Variants in SLC36A2 observed in about 807,000 individuals in gnomAD.
The protein encoded by SLC36A2 is solute carrier family 36 member 2.
A neutral mutation model predicts 42.7 loss-of-function variants in SLC36A2; 39 were observed. That is an observed-to-expected ratio of 0.91 (90% confidence interval 0.71 to 1.19). The LOEUF (loss-of-function observed/expected upper bound fraction) is 1.19. Among genes scored for constraint, SLC36A2 ranks in the 50% most tolerant of loss-of-function variants. SLC36A2 has a pLI of 0.00. For missense variants in SLC36A2, 590 were observed against 613.7 expected, an observed-to-expected ratio of 0.96 and a Z score of 0.41; for synonymous variants, 237 against 240.8, an observed-to-expected ratio of 0.98 and a Z score of 0.15.
intron 9 of SLC36A2, among the ~76,000 whole-genome samples, chr5:151,317,409 G>A (rs1286037712): frequency 6.7e-6 from 1 of 149,352 alleles, no homozygotes; most frequent in Admixed American, 6.7e-5. Flanking sequence ...CCAAGATCAC[G>A]CCACTGCACT....
rs1011214457 is a variant in SLC36A2 at position 151,316,695 on chromosome 5, G to A, written c.*122C>T. ...GCCGAAGTTGTGGTGAGCTGAGATC[G>A]CATCATTGTACTCCAGTCTGGGCAA... On this transcript the variant is annotated 3_prime_UTR_variant, in exon 10 of 10. Coordinates refer to ENST00000335244, the MANE Select transcript of SLC36A2 (RefSeq NM_181776.3). 21 of 1,208,364 alleles carry A rather than the reference G, an allele frequency of 1.7e-5. No individual in the cohort carries two copies. The highest frequency in any genetic ancestry group is 2.2e-5 in the Non-Finnish European group (20 of 892,682). 74.9% of individuals were successfully genotyped at this position (1,208,364 alleles called of 1,614,324 possible).
intron 9 of SLC36A2, 24 bp from the exon 10 acceptor site, chr5:151,317,112 G>C (rs547174171): frequency 6.2e-7 from 1 of 1,612,548 alleles, no homozygotes; most frequent in African/African-American, 1.3e-5. Flanking sequence ...ATAGTGGAGA[G>C]ATGGAGCATT....
Position 151,315,470 on chromosome 5 carries a change from A to AAAT in SLC36A2, c.*1346_*1347insATT, listed in dbSNP as rs10525250. 0.66 allele frequency: 100,594 copies of AAAT among 151,670 alleles called. 34,307 individuals carry two copies. Among genetic ancestry groups the AAAT allele is most frequent in the East Asian group, 0.98 (5,073 of 5,160 alleles). The allele number at this position is 151,670 out of a possible 1,614,324, so 9.4% of individuals were successfully genotyped here. ...ATGGTAAAACCCCATCTCTACGAAA[A>AAAT]ACAAAAATTAGCCAGGCATAGTGGC... On this transcript the variant is annotated 3_prime_UTR_variant, in exon 10 of 10. Coordinates refer to ENST00000335244, the MANE Select transcript of SLC36A2 (RefSeq NM_181776.3).
At chr5:151,340,167 G>GGAAGAA (rs746180560) in intron 4 of SLC36A2, among the ~76,000 whole-genome samples, 1 of 112,394 alleles carries the variant, frequency 8.9e-6, no homozygotes, top group Non-Finnish European at 1.6e-5. Flanking sequence ...AGGAAGAAGA[G>GGAAGAA]GAAGGAGGAG....
intron 4 of SLC36A2, among the ~76,000 whole-genome samples, chr5:151,340,449 T>A (rs1240358933): frequency 6.6e-6 from 1 of 152,108 alleles, no homozygotes; most frequent in Non-Finnish European, 1.5e-5. Context: ...GTTGTAGTAG[T>A]GGATAAAGCC....
chr5:151,345,751 A>G (rs983249622), intron 1 of SLC36A2, among the ~76,000 whole-genome samples: 1 of 152,228 alleles, frequency 6.6e-6, no homozygotes, highest in African/African-American at 2.4e-5. Flanking sequence ...ACCAACTTGA[A>G]AACATAGTGC....
At chr5:151,346,538 G>A (rs754734921) in intron 1 of SLC36A2, among the ~76,000 whole-genome samples, 1 of 152,168 alleles carries the variant, frequency 6.6e-6, no homozygotes, top group Non-Finnish European at 1.5e-5. Flanking sequence ...CTGATTCTCT[G>A]TCCAGTGCTC....
chr5:151,320,762 C>T (rs1739801929), intron 9 of SLC36A2, among the ~76,000 whole-genome samples: 1 of 152,136 alleles, frequency 6.6e-6, no homozygotes, highest in Admixed American at 6.5e-5. Context: ...TTTATAGTAG[C>T]CCCACCAAAA....
chr5:151,345,476 A>T (rs948188959), intron 1 of SLC36A2, among the ~76,000 whole-genome samples: 1 of 152,194 alleles, frequency 6.6e-6, no homozygotes, highest in African/African-American at 2.4e-5. Context: ...AGGAAGCTTC[A>T]TATTGAAGCT....
chr5:151,342,801 C>T, intron 4 of SLC36A2, 87 bp downstream of exon 4: 6 of 1,174,558 alleles, frequency 5.1e-6, no homozygotes, highest in Non-Finnish European at 7.6e-6. Context: ...CCAAACAAAC[C>T]ACCTTTCCAG....
In SLC36A2 at chr5:151,333,260, G is replaced by T. The variant is rs764490470; in HGVS notation, c.807C>A (p.Phe269Leu). ...TTTCAAAAGAAAAAATGGCTGTTCC[G>T]AAGAAGAGAGGGTAGGTCTTCCAGC... The part of the protein sequence containing the change: ...VASWKTYPLF[F>L]GTAIFSFESI... The change falls in exon 7 of 10, where the codon TTC becomes TTA. Residue 269 changes from phenylalanine to leucine, a missense_variant. By Grantham distance (22) the Phe-to-Leu change is conservative. Transcript: ENST00000335244. 6.2e-6 allele frequency: 10 copies of T among 1,614,030 alleles called. No homozygotes were observed. Among genetic ancestry groups the T allele is most frequent in the Non-Finnish European group, 8.5e-6 (10 of 1,179,946 alleles).
Position 151,315,639 on chromosome 5 carries a change from C to CACAAA in SLC36A2, c.*1173_*1177dup, listed in dbSNP as rs1304026985. 3 of 152,246 alleles carry CACAAA rather than the reference C, an allele frequency of 2.0e-5. No homozygotes were observed. In the East Asian group the frequency reaches 5.8e-4, roughly 29 times the overall value. The allele number at this position is 152,246 out of a possible 1,614,324, so 9.4% of individuals were successfully genotyped here. ...GAGACTTCATCTCAAAAAAACAAAA[C>CACAAA]ACAAAACAAAACCGACAAACAAGCA... On this transcript the variant is annotated 3_prime_UTR_variant, in exon 10 of 10. Coordinates refer to ENST00000335244, the MANE Select transcript of SLC36A2 (RefSeq NM_181776.3).
At chr5:151,347,265 C>G in intron 1 of SLC36A2, 32 bp downstream of exon 1, 1 of 1,613,722 alleles carries the variant, frequency 6.2e-7, no homozygotes, top group East Asian at 2.2e-5. Flanking sequence ...GGCTAGAAAG[C>G]AGAAATAGGG....
In SLC36A2 at chr5:151,315,274, G is replaced by A. The variant is rs1055224527; in HGVS notation, c.*1543C>T. On this transcript the variant is annotated 3_prime_UTR_variant, in exon 10 of 10. Transcript: ENST00000335244. ...ATGCATAGGTTATTACCAAACCTCT[G>A]ACTGCATCACATTTACTAATGTCCC... 6.6e-6 allele frequency: 1 copy of A among 152,640 alleles called. No homozygotes were observed. The allele number at this position is 152,640 out of a possible 1,614,324, so 9.5% of individuals were successfully genotyped here. A position where few individuals can be genotyped will look rare whatever the true frequency, so the allele number is the denominator to read the frequency against.
chr5:151,336,190 T>C (rs973053075), intron 5 of SLC36A2, among the ~76,000 whole-genome samples: 2 of 152,210 alleles, frequency 1.3e-5, no homozygotes, highest in Admixed American at 6.5e-5. Context: ...ATCACAGTCA[T>C]GTGGCATAGC....
At chr5:151,322,373 C>G (rs762851422) in intron 8 of SLC36A2, among the ~76,000 whole-genome samples, 158 bp from the exon 9 acceptor site, 20 of 152,182 alleles carry the variant, frequency 1.3e-4, no homozygotes, top group Non-Finnish European at 2.5e-4. Flanking sequence ...GAGGGAGTCA[C>G]AGCAGAGCAT....
chr5:151,333,002 C>T (rs1472533552), intron 7 of SLC36A2, among the ~76,000 whole-genome samples: 2 of 152,250 alleles, frequency 1.3e-5, no homozygotes, highest in African/African-American at 4.8e-5. Flanking sequence ...CATGTGGGGA[C>T]AAAAATAAAA....
At chr5:151,334,129 G>A (rs1756079338) in intron 6 of SLC36A2, among the ~76,000 whole-genome samples, 1 of 152,064 alleles carries the variant, frequency 6.6e-6, no homozygotes, top group Non-Finnish European at 1.5e-5. Context: ...TTTTCTAACT[G>A]GGCAACCTTT....
intron 7 of SLC36A2, 99 bp downstream of exon 7, chr5:151,333,125 A>C: frequency 1.8e-6 from 2 of 1,133,598 alleles, no homozygotes; most frequent in Non-Finnish European, 2.7e-6. Context: ...CAGGCCCAAA[A>C]CAATGGCCAG....
Sources: allele counts gnomAD v4.1 joint callset (sites outside exome capture counted in the v4.1 genomes callset), GRCh38; gene constraint gnomAD v4.1.1; transcripts MANE v1.5; gene names NCBI Gene and HGNC (gene_info 2026-07-23, HGNC 2026-07-21).